Variants in ZNRF2 observed in about 807,000 individuals in gnomAD.
ZNRF2 encodes zinc and ring finger 2.
A neutral mutation model predicts 20.4 loss-of-function variants in ZNRF2; 16 were observed. The ratio of observed to expected loss-of-function variants is 0.79; its 90% confidence interval spans 0.53 to 1.19. ZNRF2 has a LOEUF of 1.19. ZNRF2 is among the 50% of genes most tolerant of loss of function. The probability of loss-of-function intolerance (pLI) is 0.00; values close to 1 mark genes in which losing one functional copy is unlikely to be tolerated. For missense variants in ZNRF2, 363 were observed against 332.4 expected (o/e 1.09, Z -0.72); for synonymous variants, 178 against 144.9 (o/e 1.23, Z -1.64).
intron 1 of ZNRF2, among the ~76,000 whole-genome samples, chr7:30,317,858 G>A (rs1436488669): frequency 6.6e-6 from 1 of 152,176 alleles, no homozygotes; most frequent in African/African-American, 2.4e-5. Flanking sequence ...GACAGCTTCT[G>A]TTTTGTATTA....
At chr7:30,295,050 A>AGAGAGAGAGTGAGT (rs1412764480) in intron 1 of ZNRF2, among the ~76,000 whole-genome samples, 1 of 38,238 alleles carries the variant, frequency 2.6e-5, no homozygotes, top group Non-Finnish European at 4.8e-5. Flanking sequence ...AGAGAGAGAG[A>AGAGAGAGAGTGAGT]GTGTGTGTGT....
chr7:30,314,059 G>A (rs537876038), intron 1 of ZNRF2, among the ~76,000 whole-genome samples: 7 of 152,132 alleles, frequency 4.6e-5, no homozygotes, highest in East Asian at 1.9e-4. Context: ...CTTTTCTACC[G>A]TTGTGAATAG....
At chr7:30,331,882 G>A (rs780615621) in intron 2 of ZNRF2, among the ~76,000 whole-genome samples, 1 of 152,124 alleles carries the variant, frequency 6.6e-6, no homozygotes, top group Non-Finnish European at 1.5e-5. Flanking sequence ...TTGAAATTTA[G>A]CAGATGTTTA....
intron 1 of ZNRF2, among the ~76,000 whole-genome samples, chr7:30,312,787 T>A (rs1224314866): frequency 6.6e-6 from 1 of 152,222 alleles, no homozygotes; most frequent in African/African-American, 2.4e-5. Flanking sequence ...CACCTGTGGC[T>A]CTTGGATTAA....
chr7:30,333,363 CTTTT>C (rs1250477674), intron 2 of ZNRF2, among the ~76,000 whole-genome samples: 1 of 130,640 alleles, frequency 7.7e-6, no homozygotes. Context: ...CATATTTTGA[CTTTT>C]TTTTTTTTTT....
rs139200466 is a variant in ZNRF2 at position 30,292,164 on chromosome 7, A to G, written c.469+6338A>G. Among the ~76,000 whole-genome samples, 922 of 152,346 alleles carry G rather than the reference A, an allele frequency of 6.1e-3. 5 individuals are homozygous for G. Among genetic ancestry groups the G allele is most frequent in the Non-Finnish European group, 9.2e-3 (627 of 68,032 alleles). ...TTCTAATACAAAGTTTTAAAGCTAC[A>G]CATTTTCCTCCAAGAATTGCTTTAC... On this transcript the variant is annotated intron_variant, in intron 1 of 4. Coordinates refer to ENST00000323037, the MANE Select transcript of ZNRF2 (RefSeq NM_147128.4).
chr7:30,303,272 A>AG (rs1332863981), intron 1 of ZNRF2, among the ~76,000 whole-genome samples: 2 of 151,966 alleles, frequency 1.3e-5, no homozygotes, highest in Non-Finnish European at 2.9e-5. Context: ...TCAAAAAAAA[A>AG]AAAAAGAAAA....
In ZNRF2 at chr7:30,347,628, G is replaced by A. The variant is rs530084439; in HGVS notation, c.566-8100G>A. On this transcript the variant is annotated intron_variant, in intron 2 of 4. Transcript: ENST00000323037. ...CTCTGGAGGCTGAGGCAGGAGAATC[G>A]CTTGAGCCCAGGAGGCAGAGGCTGC... 5.9e-5 allele frequency among the ~76,000 whole-genome samples: 9 copies of A among 152,264 alleles called. No homozygotes were observed. In the East Asian group the frequency reaches 1.7e-3, roughly 29 times the overall value.
At chr7:30,364,694 C>G (rs1800182317) in intron 4 of ZNRF2, among the ~76,000 whole-genome samples, 1 of 152,066 alleles carries the variant, frequency 6.6e-6, no homozygotes, top group Non-Finnish European at 1.5e-5. Context: ...GAAACTGATG[C>G]TAACAAAATG....
chr7:30,337,820 G>A (rs1207254818), intron 2 of ZNRF2, among the ~76,000 whole-genome samples: 1 of 151,606 alleles, frequency 6.6e-6, no homozygotes, highest in East Asian at 1.9e-4. Context: ...TGTTTGCATG[G>A]TTCCTATGCA....
intron 1 of ZNRF2, among the ~76,000 whole-genome samples, chr7:30,319,436 G>A (rs968203348): frequency 2.6e-5 from 4 of 152,176 alleles, no homozygotes; most frequent in Non-Finnish European, 4.4e-5. Flanking sequence ...AAGAAGTCAG[G>A]CCTGGAGGGC....
chr7:30,363,542 G>A lies in ZNRF2; in HGVS notation c.*22+1086G>A, dbSNP rs112213885. On this transcript the variant is annotated intron_variant, in intron 4 of 4. Coordinates refer to ENST00000323037, the MANE Select transcript of ZNRF2 (RefSeq NM_147128.4). Reference sequence around the variant, plus strand: ...GTAGGAACATTTTCTTCAAACAGTCGCATCATAAATTTATTCATTCAATTT... The same window carrying A: ...GTAGGAACATTTTCTTCAAACAGTCACATCATAAATTTATTCATTCAATTT... 3.5e-3 allele frequency among the ~76,000 whole-genome samples: 525 copies of A among 152,126 alleles called. 3 individuals are homozygous for A. The highest frequency in any genetic ancestry group is 0.012 in the African/African-American group (493 of 41,476).
chr7:30,351,824 C>T (rs1457063252), intron 2 of ZNRF2, among the ~76,000 whole-genome samples: 3 of 151,908 alleles, frequency 2.0e-5, no homozygotes, highest in Non-Finnish European at 4.4e-5. Context: ...CGTTTTTAAT[C>T]CTTTTAAAAT....
At chr7:30,325,487 G>C (rs777206519) in intron 2 of ZNRF2, among the ~76,000 whole-genome samples, 1 of 152,184 alleles carries the variant, frequency 6.6e-6, no homozygotes, top group South Asian at 2.1e-4. Context: ...AAATAAAAAG[G>C]TTCTATGAAA....
intron 3 of ZNRF2, among the ~76,000 whole-genome samples, chr7:30,359,407 C>T (rs1366254845): frequency 1.3e-5 from 2 of 152,154 alleles, no homozygotes; most frequent in Admixed American, 1.3e-4. Flanking sequence ...AAATAGCGTT[C>T]TCCCTCTATG....
intron 1 of ZNRF2, among the ~76,000 whole-genome samples, chr7:30,294,485 A>C (rs1484216581): frequency 6.6e-6 from 1 of 152,136 alleles, no homozygotes; most frequent in Non-Finnish European, 1.5e-5. Context: ...GTGTTAATTT[A>C]GAAATATTGC....
intron 1 of ZNRF2, among the ~76,000 whole-genome samples, chr7:30,317,500 TAATC>T (rs1167257252): frequency 6.6e-6 from 1 of 152,202 alleles, no homozygotes; most frequent in African/African-American, 2.4e-5. Flanking sequence ...AATATTGGCT[TAATC>T]AAGAGCAAAG....
At chr7:30,346,726 T>C (rs555560444) in intron 2 of ZNRF2, among the ~76,000 whole-genome samples, 125 of 152,226 alleles carry the variant, frequency 8.2e-4, no homozygotes, top group African/African-American at 3.0e-3. Context: ...GCTTGAGACT[T>C]CATGAGCCCT....
chr7:30,291,751 CA>C (rs201047400), intron 1 of ZNRF2, among the ~76,000 whole-genome samples: 11 of 151,990 alleles, frequency 7.2e-5, no homozygotes, highest in African/African-American at 2.4e-4. Context: ...CAGGATATTA[CA>C]AAAAACTGAG....
Sources: gnomAD v4.1 joint callset for allele counts (sites outside exome capture counted in the v4.1 genomes callset) on GRCh38, gnomAD v4.1.1 for gene constraint, MANE v1.5 for transcripts, NCBI Gene and HGNC (gene_info 2026-07-23, HGNC 2026-07-21) for gene names.